The following ZNF516 variants were observed in gnomAD, a reference collection of about 807,000 sequenced individuals.
ZNF516 encodes the protein zinc finger protein 516.
Under a neutral mutation model 79.7 loss-of-function variants are expected in ZNF516, and 19 were observed. The observed-to-expected ratio is 0.24, with a 90% CI of 0.17 to 0.35. The LOEUF is 0.35. Among genes scored for constraint, ZNF516 ranks in the 10% least tolerant of loss-of-function variants. The pLI is 1.00. For synonymous variants in ZNF516, 877 were observed against 739.5 expected (o/e 1.19, Z -3.02); for missense variants, 1,678 against 1,679.5 (o/e 1.00, Z 0.02).
rs996310018 is a variant in ZNF516, at chr18:76,412,034, G to A, written c.1810+29211C>T. On this transcript the variant is annotated intron_variant, in intron 3 of 6. Transcript: ENST00000443185. Reference sequence around the variant, plus strand: ...CATAAAACGTATCCTCTCCAAGACCGTGTGGGTGTGTATTCCAGATTTTTT... The same window carrying A: ...CATAAAACGTATCCTCTCCAAGACCATGTGGGTGTGTATTCCAGATTTTTT... Among the ~76,000 whole-genome samples, 7 of 147,922 alleles carry A rather than the reference G, an allele frequency of 4.7e-5. No individual in the cohort carries two copies. The South Asian group carries it at 6.3e-4, about 13-fold the overall frequency.
Position 76,371,447 on chromosome 18 carries a change from G to A in ZNF516, c.3364+20C>T, listed in dbSNP as rs771185519. 2 of 1,595,634 alleles carry A rather than the reference G, an allele frequency of 1.3e-6. No individual in the cohort carries two copies. Among genetic ancestry groups the A allele is most frequent in the Non-Finnish European group, 1.7e-6 (2 of 1,175,462 alleles). ...TCTTCCTCTGCTCCCCTTGGGGATA[G>A]CTGGGCGGGAGGGCGATACCTGAGT... On this transcript the variant is annotated intron_variant, in intron 5 of 6. Coordinates refer to ENST00000443185, the MANE Select transcript of ZNF516 (RefSeq NM_014643.4).
At position 76,443,664 on chromosome 18, in the gene ZNF516, T is replaced by A. The variant is rs1017434505; in HGVS notation, c.-157-453A>T. ...TGAGCTGCACAGGTGGTGACAACAG[T>A]TGACGGCACTTCACACACACAGTCA... On this transcript the variant is annotated intron_variant, in intron 2 of 6. Coordinates refer to ENST00000443185, the MANE Select transcript of ZNF516 (RefSeq NM_014643.4). Among the ~76,000 whole-genome samples the A allele has an allele frequency of 1.2e-4, 18 of 152,174 alleles. No individual in the cohort carries two copies. In the East Asian group the frequency reaches 1.4e-3, roughly 11 times the overall value.
intron 1 of ZNF516, among the ~76,000 whole-genome samples, chr18:76,470,690 A>G (rs1913775702): frequency 6.6e-6 from 1 of 152,224 alleles, no homozygotes; most frequent in African/African-American, 2.4e-5. Flanking sequence ...ATAAATCCCT[A>G]CATACTGTAA....
At chr18:76,485,515 T>C (rs1395040018) in intron 1 of ZNF516, among the ~76,000 whole-genome samples, 2 of 152,228 alleles carry the variant, frequency 1.3e-5, no homozygotes, top group Non-Finnish European at 2.9e-5. Context: ...GTTTACTTCT[T>C]TCGTAAAACA....
chr18:76,361,274 G>C lies in ZNF516; in HGVS notation c.*1224C>G, dbSNP rs2074533553. On this transcript the variant is annotated 3_prime_UTR_variant, in exon 7 of 7. Coordinates refer to ENST00000443185, the MANE Select transcript of ZNF516 (RefSeq NM_014643.4). The stretch of plus-strand genomic sequence containing the variant: ...GGAAAAGAAAATATTTATATCTGTG[G>C]AATACCATTTCAATTGCGTACACTG... The C allele has an allele frequency of 6.6e-6, 1 of 152,160 alleles. No individual in the cohort carries two copies. 9.4% of individuals were successfully genotyped at this position (152,160 alleles called of 1,614,324 possible).
intron 1 of ZNF516, among the ~76,000 whole-genome samples, chr18:76,470,413 A>C (rs773168678): frequency 3.3e-5 from 5 of 152,218 alleles, no homozygotes; most frequent in Admixed American, 6.5e-5. Context: ...TAACTGCTTA[A>C]GAAATTCCAA....
rs2074535141 is a variant in ZNF516, at chr18:76,361,367, G to T, written c.*1131C>A. On this transcript the variant is annotated 3_prime_UTR_variant, in exon 7 of 7. Coordinates refer to ENST00000443185, the MANE Select transcript of ZNF516 (RefSeq NM_014643.4). ...AAAAACTCGCATTTGCATTACTGAG[G>T]AAGAGGTATATGAAGCCGTCCCCCA... 1 of 152,216 alleles carries T rather than the reference G, an allele frequency of 6.6e-6. No individual in the cohort carries two copies. The highest frequency in any genetic ancestry group is 1.5e-5 in the Non-Finnish European group (1 of 68,048). The allele number at this position is 152,216 out of a possible 1,614,324, so 9.4% of individuals were successfully genotyped here.
At chr18:76,362,580 C>CAGGAGAAA in intron 6 of ZNF516, 23 bp from the exon 7 acceptor site, 1 of 1,600,484 alleles carries the variant, frequency 6.2e-7, no homozygotes, top group East Asian at 2.2e-5. Context: ...AAGGAAAGAA[C>CAGGAGAAA]AGGAGAAAAG....
At chr18:76,373,378 T>C (rs545439643) in intron 4 of ZNF516, among the ~76,000 whole-genome samples, 4 of 152,140 alleles carry the variant, frequency 2.6e-5, no homozygotes, top group African/African-American at 9.6e-5. Flanking sequence ...TTTTTTAAGC[T>C]ATTTTGTTCC....
At chr18:76,410,582 T>C (rs1038304741) in intron 3 of ZNF516, among the ~76,000 whole-genome samples, 1 of 152,194 alleles carries the variant, frequency 6.6e-6, no homozygotes, top group African/African-American at 2.4e-5. Flanking sequence ...CTCTGACAGG[T>C]AAAATTTGCT....
At chr18:76,495,112 G>A (rs1462219248) in intron 1 of ZNF516, 32 bp downstream of exon 1, 1 of 148,510 alleles carries the variant, frequency 6.7e-6, no homozygotes. Flanking sequence ...CGGCCCCTGC[G>A]GCGCAGCCCT....
At position 76,362,254 on chromosome 18, in the gene ZNF516, T is replaced by C. The variant is rs527971955; in HGVS notation, c.*244A>G. On this transcript the variant is annotated 3_prime_UTR_variant, in exon 7 of 7. Transcript: ENST00000443185. ...TGGACGATGAGCACGTAAATGCGTA[T>C]ATAGTATCTACATGTATTTCTAGAA... is the stretch of plus-strand genomic sequence containing the variant. The C allele has an allele frequency of 1.2e-4, 59 of 485,542 alleles. No homozygotes were observed. The East Asian group carries it at 1.7e-3, about 14-fold the overall frequency. 30.1% of individuals were successfully genotyped at this position (485,542 alleles called of 1,614,324 possible).
chr18:76,470,659 ACTT>A (rs1913774131), intron 1 of ZNF516, among the ~76,000 whole-genome samples: 1 of 152,242 alleles, frequency 6.6e-6, no homozygotes, highest in South Asian at 2.1e-4. Flanking sequence ...TTCATTAAGG[ACTT>A]CTTATCTATG....
intron 2 of ZNF516, among the ~76,000 whole-genome samples, chr18:76,457,103 CAA>C (rs766677796): frequency 1.3e-5 from 2 of 152,178 alleles, no homozygotes; most frequent in Non-Finnish European, 2.9e-5. Flanking sequence ...ACGCAGTGAA[CAA>C]AAAGACATTC....
chr18:76,424,144 AAC>A (rs960033895), intron 3 of ZNF516, among the ~76,000 whole-genome samples: 1 of 89,876 alleles, frequency 1.1e-5, no homozygotes, highest in African/African-American at 4.4e-5. Flanking sequence ...TCCCCCATGA[AAC>A]ACACGCAGGT....
chr18:76,481,800 C>A lies in ZNF516; in HGVS notation c.-272+13344G>T, dbSNP rs1010433728. 3.3e-5 allele frequency among the ~76,000 whole-genome samples: 5 copies of A among 152,184 alleles called. No homozygotes were observed. In the East Asian group the frequency reaches 5.8e-4, roughly 18 times the overall value. ...ATTGAGGCATTTGCCCAATCTGATTCAAGTTCATAAGTCATTAGTAATGAA... is the reference window on the plus strand; with the variant it reads ...ATTGAGGCATTTGCCCAATCTGATTAAAGTTCATAAGTCATTAGTAATGAA... On this transcript the variant is annotated intron_variant, in intron 1 of 6. Transcript: ENST00000443185.
At position 76,362,352 on chromosome 18, in the gene ZNF516, C is replaced by T. The variant is rs1016835151; in HGVS notation, c.*146G>A. 25 of 638,486 alleles carry T rather than the reference C, an allele frequency of 3.9e-5. No homozygotes were observed. The highest frequency in any genetic ancestry group is 4.8e-5 in the Non-Finnish European group (18 of 371,790). 39.6% of individuals were successfully genotyped at this position (638,486 alleles called of 1,614,324 possible). On this transcript the variant is annotated 3_prime_UTR_variant, in exon 7 of 7. Transcript: ENST00000443185. ...GCCTTCAGTTTCCACTCCAGCGCAG[C>T]GGCTCGGGATGTGAGGTGTCTGCTC...
chr18:76,440,761 T>TGTGTGTGTGTGTGTGTGCGCGCGC (rs571461431), intron 3 of ZNF516, among the ~76,000 whole-genome samples: 1 of 150,144 alleles, frequency 6.7e-6, no homozygotes, highest in African/African-American at 2.5e-5. Flanking sequence ...TGTGTGTGTG[T>TGTGTGTGTGTGTGTGTGCGCGCGC]GCGCGCACGC....
chr18:76,492,683 G>A, intron 1 of ZNF516: 2 of 981,122 alleles, frequency 2.0e-6, no homozygotes, highest in South Asian at 4.7e-5. Flanking sequence ...ACCAAGGCCA[G>A]AGAAACCGCA....
Sources: gnomAD v4.1 joint callset for allele counts (sites outside exome capture counted in the v4.1 genomes callset) on GRCh38, gnomAD v4.1.1 for gene constraint, MANE v1.5 for transcripts, NCBI Gene and HGNC (gene_info 2026-07-23, HGNC 2026-07-21) for gene names.